The following MINDY3 variants were observed in gnomAD, a reference collection of about 807,000 sequenced individuals.
MINDY3 encodes MINDY lysine 48 deubiquitinase 3.
A neutral mutation model predicts 69.2 loss-of-function variants in MINDY3; 38 were observed. The ratio of observed to expected loss-of-function variants is 0.55; its 90% CI spans 0.42 to 0.72. The LOEUF (loss-of-function observed/expected upper bound fraction) is 0.72, where lower values mean the gene tolerates loss of function less well. Ranked by LOEUF, MINDY3 falls within the 30% of genes least tolerant of loss-of-function variation. The pLI, the probability that MINDY3 is intolerant of heterozygous loss-of-function variation, is 0.00. For synonymous variants in MINDY3, 192 were observed against 180.1 expected (o/e 1.07, Z -0.53); for missense variants, 522 against 519.0 (o/e 1.01, Z -0.06).
intron 14 of MINDY3, among the ~76,000 whole-genome samples, chr10:15,781,608 TCTCTGAGCTGGA>T (rs1836538156): frequency 1.3e-5 from 2 of 152,032 alleles, no homozygotes; most frequent in African/African-American, 4.8e-5. Flanking sequence ...AGGAGCATGG[TCTCTGAGCTGGA>T]CTAAGTTTCA....
chr10:15,789,168 A>T, intron 12 of MINDY3, 79 bp downstream of exon 12: 1 of 1,176,426 alleles, frequency 8.5e-7, no homozygotes, highest in Non-Finnish European at 1.2e-6. Flanking sequence ...ATTTTTAAAA[A>T]GGCAAAAAAT....
At chr10:15,852,507 A>G (rs540725899) in intron 1 of MINDY3, among the ~76,000 whole-genome samples, 17 of 152,310 alleles carry the variant, frequency 1.1e-4, no homozygotes, top group African/African-American at 4.1e-4. Context: ...AAGTGAGCAG[A>G]GGCTGAGTCA....
intron 10 of MINDY3, among the ~76,000 whole-genome samples, chr10:15,805,741 G>T (rs1379814512): frequency 1.3e-5 from 2 of 152,104 alleles, no homozygotes; most frequent in African/African-American, 4.8e-5. Flanking sequence ...ATCTGGTTTG[G>T]CCAGAAGTCT....
intron 14 of MINDY3, among the ~76,000 whole-genome samples, chr10:15,781,244 CT>C (rs1462417902): frequency 6.6e-6 from 1 of 151,734 alleles, no homozygotes; most frequent in Non-Finnish European, 1.5e-5. Flanking sequence ...AAATTTTAGT[CT>C]TTTAGATTTG....
chr10:15,816,980 C>A, intron 9 of MINDY3, 65 bp from the exon 10 acceptor site: 1 of 1,191,300 alleles, frequency 8.4e-7, no homozygotes, highest in Non-Finnish European at 1.2e-6. Flanking sequence ...CTCTTATTTG[C>A]CCATAAATAT....
At chr10:15,836,741 G>A (rs1454731199) in intron 6 of MINDY3, among the ~76,000 whole-genome samples, 3 of 150,252 alleles carry the variant, frequency 2.0e-5, no homozygotes, top group Admixed American at 1.3e-4. Flanking sequence ...AAAATTTAGA[G>A]GAGGAGAGAA....
chr10:15,789,763 C>G (rs528121849), intron 11 of MINDY3, among the ~76,000 whole-genome samples: 1 of 152,022 alleles, frequency 6.6e-6, no homozygotes, highest in African/African-American at 2.4e-5. Flanking sequence ...TGTCAGTGAT[C>G]CACTGATACT....
At chr10:15,781,403 A>T (rs946182448) in intron 14 of MINDY3, among the ~76,000 whole-genome samples, 16 of 144,928 alleles carry the variant, frequency 1.1e-4, no homozygotes, top group East Asian at 3.9e-4. Context: ...CATATATATT[A>T]TATATATATA....
intron 8 of MINDY3, among the ~76,000 whole-genome samples, chr10:15,828,656 T>C (rs1271419371): frequency 6.6e-6 from 1 of 152,148 alleles, no homozygotes. Flanking sequence ...TAGGTATACT[T>C]ATATAAGGAA....
At chr10:15,813,150 T>C (rs187172468) in intron 10 of MINDY3, among the ~76,000 whole-genome samples, 94 of 152,264 alleles carry the variant, frequency 6.2e-4, no homozygotes, top group Admixed American at 2.0e-3. Flanking sequence ...CTACTCCCAC[T>C]ACCAATTTTT....
chr10:15,795,623 A>C (rs1005955406), intron 11 of MINDY3, among the ~76,000 whole-genome samples: 1 of 152,058 alleles, frequency 6.6e-6, no homozygotes, highest in African/African-American at 2.4e-5. Flanking sequence ...TTTTAATGAT[A>C]TATATGTGAA....
At position 15,779,203 on chromosome 10, in the gene MINDY3, T is replaced by G. The variant is rs928189592; in HGVS notation, c.1189-62A>C. On this transcript the variant is annotated intron_variant, in intron 14 of 14. Transcript: ENST00000277632. ...AGTCTTAGCAAATTCTTATGTGGAA[T>G]GAAAACAATTTTTAGAGGCTAGCAA... 4.8e-5 allele frequency: 71 copies of G among 1,478,660 alleles called. No individual in the cohort carries two copies. The Admixed American group carries it at 1.4e-3, about 29-fold the overall frequency. The allele number at this position is 1,478,660 out of a possible 1,614,324, so 91.6% of individuals were successfully genotyped here.
chr10:15,851,066 C>A (rs995782520), intron 1 of MINDY3, among the ~76,000 whole-genome samples: 3 of 152,192 alleles, frequency 2.0e-5, no homozygotes, highest in Non-Finnish European at 4.4e-5. Context: ...TCTTATTTAA[C>A]CTTCCAAAGA....
Position 15,838,259 on chromosome 10 carries a change from G to C in MINDY3, c.430C>G (p.Leu144Val), listed in dbSNP as rs1588627202. The C allele has an allele frequency of 2.5e-6, 4 of 1,603,726 alleles. No homozygotes were observed. In the African/African-American group the frequency reaches 5.4e-5, roughly 22 times the overall value. Residue 144 changes from leucine (L) to valine (V), a missense_variant, in exon 5 of 15, where the codon CTT becomes GTT. Coordinates refer to ENST00000277632, the MANE Select transcript of MINDY3 (RefSeq NM_024948.4). Reference sequence around the variant, plus strand: ...AATGCATGAAATCGCTCAAAGCCAAGCTCTTCGACAGCCAAGGCAGCTATA... The same window carrying C: ...AATGCATGAAATCGCTCAAAGCCAACCTCTTCGACAGCCAAGGCAGCTATA... Reference protein sequence around the residue: ...EHSSALAVEELGFERFHALIQ... With the variant: ...EHSSALAVEEVGFERFHALIQ...
At chr10:15,801,173 T>G (rs1423209470) in intron 10 of MINDY3, among the ~76,000 whole-genome samples, 1 of 152,154 alleles carries the variant, frequency 6.6e-6, no homozygotes, top group Non-Finnish European at 1.5e-5. Context: ...GGTGTCCTAT[T>G]CCGGCATGGG....
intron 1 of MINDY3, among the ~76,000 whole-genome samples, chr10:15,848,603 C>T (rs950904552): frequency 7.7e-6 from 1 of 129,302 alleles, no homozygotes; most frequent in African/African-American, 3.2e-5. Context: ...CACTGCACTC[C>T]AGCTTGGGCC....
intron 1 of MINDY3, among the ~76,000 whole-genome samples, chr10:15,853,638 C>T (rs1291886758): frequency 2.0e-5 from 3 of 151,876 alleles, no homozygotes; most frequent in Non-Finnish European, 2.9e-5. Flanking sequence ...GGAAGCTACC[C>T]ATAAAGCACT....
At chr10:15,785,294 A>T (rs1836870375) in intron 13 of MINDY3, among the ~76,000 whole-genome samples, 2 of 152,120 alleles carry the variant, frequency 1.3e-5, no homozygotes, top group Admixed American at 1.3e-4. Context: ...CCAAATGGAA[A>T]TGTCTGTTAC....
At chr10:15,820,663 C>T (rs913823963) in intron 9 of MINDY3, among the ~76,000 whole-genome samples, 3 of 152,254 alleles carry the variant, frequency 2.0e-5, no homozygotes, top group East Asian at 1.9e-4. Flanking sequence ...AGGACAAATC[C>T]AATTTGATTA....
Sources: allele counts gnomAD v4.1 joint callset (sites outside exome capture counted in the v4.1 genomes callset), GRCh38; gene constraint gnomAD v4.1.1; transcripts MANE v1.5; gene names NCBI Gene and HGNC (gene_info 2026-07-23, HGNC 2026-07-21).